The following FMN1 variants were observed in gnomAD, a reference collection of about 807,000 sequenced individuals.
The protein encoded by FMN1 is formin 1, also known as formin-1.
In FMN1, 110 loss-of-function variants were observed where a neutral mutation model predicts 132.4. The observed-to-expected ratio is 0.83, with a 90% confidence interval of 0.71 to 0.97. FMN1 has a LOEUF of 0.97. Among genes scored for constraint, FMN1 ranks in the 50% least tolerant of loss-of-function variants. FMN1 has a pLI of 0.00. For synonymous variants in FMN1, 722 were observed against 651.7 expected (o/e 1.11, Z -1.64); for missense variants, 1,792 against 1,705.3 (o/e 1.05, Z -0.90).
intron 2 of FMN1, among the ~76,000 whole-genome samples, chr15:33,190,488 TC>T (rs1447677325): frequency 5.9e-5 from 9 of 152,172 alleles, no homozygotes; most frequent in Non-Finnish European, 1.3e-4. Context: ...TCCATATTTT[TC>T]CTTATGTTTC....
At chr15:33,082,833 G>A (rs914188316) in intron 5 of FMN1, among the ~76,000 whole-genome samples, 1 of 151,634 alleles carries the variant, frequency 6.6e-6, no homozygotes, top group Non-Finnish European at 1.5e-5. Flanking sequence ...GAGTGATAGA[G>A]TTAGTTAATA....
chr15:33,187,107 C>T (rs1194154092), intron 2 of FMN1, among the ~76,000 whole-genome samples: 1 of 152,148 alleles, frequency 6.6e-6, no homozygotes, highest in African/African-American at 2.4e-5. Flanking sequence ...CAGACATCCC[C>T]AATTGCTGTA....
intron 17 of FMN1, among the ~76,000 whole-genome samples, chr15:32,820,061 T>C (rs1337717822): frequency 6.6e-6 from 1 of 152,190 alleles, no homozygotes; most frequent in African/African-American, 2.4e-5. Context: ...AAAACTGATA[T>C]GCCTAAAGAT....
intron 9 of FMN1, among the ~76,000 whole-genome samples, chr15:32,951,891 G>GT (rs370207706): frequency 2.6e-5 from 4 of 152,110 alleles, no homozygotes; most frequent in African/African-American, 7.2e-5. Context: ...TAGTCTAGTG[G>GT]TGACTCTCAC....
rs200667185 is a variant in FMN1, at chr15:32,897,047, A to AT, written c.3714+1786dup. 4.3e-3 allele frequency among the ~76,000 whole-genome samples: 657 copies of AT among 152,088 alleles called. 4 individuals are homozygous for AT. Among genetic ancestry groups the AT allele is most frequent in the African/African-American group, 0.015 (633 of 41,502 alleles). On this transcript the variant is annotated intron_variant, in intron 15 of 20. Coordinates refer to ENST00000616417, the MANE Select transcript of FMN1 (RefSeq NM_001277313.2). ...CCCACTGATGGTGCTAACTGGTTCC[A>AT]TTTTTTCTACATCCTTGTCAACACT...
At chr15:32,996,936 A>G (rs185459404) in intron 7 of FMN1, among the ~76,000 whole-genome samples, 1 of 152,320 alleles carries the variant, frequency 6.6e-6, no homozygotes, top group Admixed American at 6.5e-5. Flanking sequence ...AGAAGATTAA[A>G]GTTAAAGAAC....
intron 9 of FMN1, among the ~76,000 whole-genome samples, chr15:32,939,966 A>G (rs1174825206): frequency 6.6e-6 from 1 of 152,204 alleles, no homozygotes; most frequent in Non-Finnish European, 1.5e-5. Flanking sequence ...CTGATAATTA[A>G]CTCAAAAACC....
intron 6 of FMN1, among the ~76,000 whole-genome samples, chr15:33,015,483 CTT>C (rs2034988547): frequency 6.6e-6 from 1 of 152,116 alleles, no homozygotes; most frequent in Non-Finnish European, 1.5e-5. Context: ...TTTATGCGCT[CTT>C]TCTTACACAT....
chr15:32,934,953 T>G (rs1217350519), intron 9 of FMN1, among the ~76,000 whole-genome samples: 1 of 151,334 alleles, frequency 6.6e-6, no homozygotes, highest in Non-Finnish European at 1.5e-5. Context: ...GACACAGTCT[T>G]GCTCTGTCGC....
At chr15:32,950,791 C>T (rs985527817) in intron 9 of FMN1, among the ~76,000 whole-genome samples, 3 of 152,114 alleles carry the variant, frequency 2.0e-5, no homozygotes, top group African/African-American at 7.2e-5. Context: ...ACCCCCATGA[C>T]ACAACTTTAT....
At chr15:33,155,380 A>C (rs947387247) in intron 3 of FMN1, among the ~76,000 whole-genome samples, 1 of 152,210 alleles carries the variant, frequency 6.6e-6, no homozygotes, top group Non-Finnish European at 1.5e-5. Context: ...AAATAGAGCT[A>C]TCATAACTCC....
rs567171183 is a variant in FMN1, at chr15:32,839,850, T to TA, written c.3928+17164dup. On this transcript the variant is annotated intron_variant, in intron 17 of 20. Coordinates refer to ENST00000616417, the MANE Select transcript of FMN1 (RefSeq NM_001277313.2). ...AGTCATGAAATGGGGAACAACAATG[T>TA]AAAAAATCCTTGTTAATTTGCTTAT... is the stretch of plus-strand genomic sequence containing the variant. Among the ~76,000 whole-genome samples, 1,034 of 151,976 alleles carry TA rather than the reference T, an allele frequency of 6.8e-3. 7 individuals carry two copies. Among genetic ancestry groups the TA allele is most frequent in the Middle Eastern group, 0.027 (8 of 294 alleles).
At chr15:32,902,098 G>T in intron 12 of FMN1, 58 bp from the exon 13 acceptor site, 1 of 1,513,434 alleles carries the variant, frequency 6.6e-7, no homozygotes, top group African/African-American at 1.4e-5. Flanking sequence ...AAAATAAAAA[G>T]ACAGCTGAAA....
At chr15:33,105,530 T>A (rs528960696) in intron 4 of FMN1, among the ~76,000 whole-genome samples, 3 of 152,250 alleles carry the variant, frequency 2.0e-5, no homozygotes, top group South Asian at 4.1e-4. Flanking sequence ...GCTGAAATGC[T>A]GCCTAAAGGC....
chr15:32,794,698 CAT>C (rs1299783285), intron 19 of FMN1, among the ~76,000 whole-genome samples: 6 of 152,154 alleles, frequency 3.9e-5, no homozygotes, highest in Middle Eastern at 3.2e-3. Context: ...GTGGAAGAAA[CAT>C]GTGTACCAAA....
In FMN1 at chr15:33,065,443, C is replaced by G. The variant is rs2037681303; in HGVS notation, c.2044-369G>C. On this transcript the variant is annotated intron_variant, in intron 5 of 20. Coordinates refer to ENST00000616417, the MANE Select transcript of FMN1 (RefSeq NM_001277313.2). ...TATGGGAATGTTTACCAATGTATCC[C>G]GGGACTCCAGGATTATTTAACACAA... Among the ~76,000 whole-genome samples the G allele has an allele frequency of 2.0e-5, 3 of 152,252 alleles. No individual in the cohort carries two copies. The South Asian group carries it at 6.2e-4, about 32-fold the overall frequency.
At chr15:33,016,924 A>G (rs1026276278) in intron 6 of FMN1, among the ~76,000 whole-genome samples, 2 of 152,194 alleles carry the variant, frequency 1.3e-5, no homozygotes, top group Non-Finnish European at 2.9e-5. Flanking sequence ...TTTCTCTTGC[A>G]AGTCATTTTT....
At chr15:32,922,943 G>A (rs189292604) in intron 10 of FMN1, among the ~76,000 whole-genome samples, 1 of 152,338 alleles carries the variant, frequency 6.6e-6, no homozygotes, top group East Asian at 1.9e-4. Flanking sequence ...ATGGCAGGTA[G>A]AGGCAAATGA....
At chr15:33,111,326 C>A (rs113129911) in intron 4 of FMN1, among the ~76,000 whole-genome samples, 3 of 152,132 alleles carry the variant, frequency 2.0e-5, no homozygotes, top group Non-Finnish European at 2.9e-5. Flanking sequence ...CAGATAACAA[C>A]AAGTGTTCAT....
Sources: gnomAD v4.1 joint callset for allele counts (sites outside exome capture counted in the v4.1 genomes callset) on GRCh38, gnomAD v4.1.1 for gene constraint, MANE v1.5 for transcripts, NCBI Gene and HGNC (gene_info 2026-07-23, HGNC 2026-07-21) for gene names.